FNTA: variants seen among roughly 807,000 people sequenced by gnomAD.
FNTA encodes the protein protein farnesyltransferase/geranylgeranyltransferase type-1 subunit alpha.
FNTA carries 27 observed loss-of-function variants against 55.2 expected under a neutral mutation model. The ratio of observed to expected loss-of-function variants is 0.49; its 90% confidence interval spans 0.36 to 0.67. The LOEUF (loss-of-function observed/expected upper bound fraction) is 0.67. FNTA is among the 30% of genes least tolerant of loss of function. The pLI, the probability that FNTA is intolerant of heterozygous loss-of-function variation, is 0.00. For missense variants in FNTA, 422 were observed against 464.7 expected (o/e 0.91, Z 0.85); for synonymous variants, 176 against 170.7 (o/e 1.03, Z -0.24).
At chr8:43,082,664 T>C (rs1437676957) in intron 6 of FNTA, 1 of 152,398 alleles carries the variant, frequency 6.6e-6, no homozygotes, top group Non-Finnish European at 1.5e-5. Flanking sequence ...TTCTCGTGAT[T>C]TAAATATGAC....
chr8:43,074,663 C>CAA (rs1182915466), intron 5 of FNTA, among the ~76,000 whole-genome samples: 2 of 152,148 alleles, frequency 1.3e-5, no homozygotes, highest in African/African-American at 4.8e-5. Context: ...GGGGAAGTCT[C>CAA]AGGTTTCATA....
At chr8:43,067,678 GAA>G (rs923005780) in intron 3 of FNTA, among the ~76,000 whole-genome samples, 9 of 151,100 alleles carry the variant, frequency 6.0e-5, no homozygotes, top group African/African-American at 2.2e-4. Context: ...ATAATGGAGA[GAA>G]ATACTGTTGT....
At chr8:43,062,787 C>T (rs1451349355) in intron 2 of FNTA, among the ~76,000 whole-genome samples, 2 of 152,156 alleles carry the variant, frequency 1.3e-5, no homozygotes, top group Non-Finnish European at 2.9e-5. Flanking sequence ...CAACTAGTTG[C>T]CCTACAATTT....
At chr8:43,074,369 A>G (rs1220646901) in intron 5 of FNTA, among the ~76,000 whole-genome samples, 1 of 145,326 alleles carries the variant, frequency 6.9e-6, no homozygotes, top group Non-Finnish European at 1.6e-5. Flanking sequence ...CAAAAAATAC[A>G]AAAAAATGAG....
At chr8:43,060,249 T>A (rs989618298) in intron 2 of FNTA, among the ~76,000 whole-genome samples, 1 of 152,208 alleles carries the variant, frequency 6.6e-6, no homozygotes, top group African/African-American at 2.4e-5. Context: ...GATATTAACC[T>A]TACTAGTGAT....
At chr8:43,063,583 T>C (rs975013811) in intron 2 of FNTA, among the ~76,000 whole-genome samples, 1 of 152,126 alleles carries the variant, frequency 6.6e-6, no homozygotes, top group Admixed American at 6.6e-5. Context: ...AAGGATGGAA[T>C]TAGGCTATAT....
intron 2 of FNTA, among the ~76,000 whole-genome samples, chr8:43,062,959 T>A (rs1810569013): frequency 6.6e-6 from 1 of 152,176 alleles, no homozygotes; most frequent in Non-Finnish European, 1.5e-5. Context: ...TCTGTTTTTT[T>A]CTTTTCAGAG....
At chr8:43,079,523 C>A (rs1391457591) in intron 6 of FNTA, 2 of 146,674 alleles carry the variant, frequency 1.4e-5, no homozygotes, top group South Asian at 4.1e-4. Flanking sequence ...GTCTGTTGTT[C>A]AGAAAAATTT....
intron 4 of FNTA, 58 bp downstream of exon 4, chr8:43,069,717 T>C (rs1810744095): frequency 9.8e-7 from 1 of 1,015,950 alleles, no homozygotes; most frequent in Non-Finnish European, 1.5e-6. Context: ...TGACCTCGGC[T>C]CACTGCAGCC....
intron 3 of FNTA, 99 bp downstream of exon 3, chr8:43,064,314 TA>T (rs1810604513): frequency 3.9e-6 from 3 of 762,030 alleles, no homozygotes; most frequent in East Asian, 5.3e-5. Flanking sequence ...AACTGTACTT[TA>T]TTTTTTTTGG....
At position 43,059,115 on chromosome 8, in the gene FNTA, T is replaced by C. The variant is rs779020919; in HGVS notation, c.224T>C (p.Ile75Thr). 152 of 1,613,630 alleles carry C rather than the reference T, an allele frequency of 9.4e-5. No homozygotes were observed. The highest frequency in any genetic ancestry group is 2.9e-4 in the South Asian group (26 of 91,044). The change falls in exon 2 of 9, where the codon ATA (isoleucine) becomes ACA (threonine). Residue 75 changes from isoleucine (I) to threonine (T), a missense_variant. Physicochemically the swap from Ile to Thr is moderately conservative, Grantham distance 89 (BLOSUM62 -1). Around this residue, in one of 2 missense-constraint regions of FNTA, gnomAD observed 160 missense variants for 121.6 expected, o/e 1.32. Transcript: ENST00000302279. Reference sequence around the variant, plus strand: ...AGGGACAGAGCAGAATGGGCTGATATAGATCCGGTGCCGCAGAATGATGGC... The same window carrying C: ...AGGGACAGAGCAGAATGGGCTGATACAGATCCGGTGCCGCAGAATGATGGC... ...LYRDRAEWAD[I>T]DPVPQNDGPN... is the part of the protein sequence containing the mutation.
At chr8:43,083,242 G>A (rs1811060269) in intron 7 of FNTA, 62 bp downstream of exon 7, 1 of 909,628 alleles carries the variant, frequency 1.1e-6, no homozygotes, top group Non-Finnish European at 1.7e-6. Context: ...ATGCATCATG[G>A]AGTGTATTCC....
At chr8:43,057,632 C>T (rs1355816817) in intron 1 of FNTA, among the ~76,000 whole-genome samples, 5 of 152,180 alleles carry the variant, frequency 3.3e-5, no homozygotes, top group Non-Finnish European at 5.9e-5. Flanking sequence ...AGAATCTCTG[C>T]TGTCAACAGC....
chr8:43,074,396 A>G (rs139917695), intron 5 of FNTA, among the ~76,000 whole-genome samples: 9 of 152,296 alleles, frequency 5.9e-5, no homozygotes, highest in African/African-American at 1.9e-4. Context: ...GTAGTGGCGC[A>G]TGCTTGTGTT....
intron 8 of FNTA, 38 bp downstream of exon 8, chr8:43,084,919 C>G (rs1360249015): frequency 6.3e-7 from 1 of 1,582,196 alleles, no homozygotes; most frequent in Non-Finnish European, 8.7e-7. Context: ...TTTTTGGTAT[C>G]TCAGAATTGA....
intron 1 of FNTA, chr8:43,057,381 G>T (rs1203943304): frequency 6.6e-6 from 1 of 152,030 alleles, no homozygotes; most frequent in Non-Finnish European, 1.5e-5. Context: ...ATATTTTTTT[G>T]ATTGGAGATA....
At chr8:43,060,765 C>T in intron 2 of FNTA, among the ~76,000 whole-genome samples, 1 of 151,860 alleles carries the variant, frequency 6.6e-6, no homozygotes, top group East Asian at 1.9e-4. Context: ...ACCTGTCAAC[C>T]GTTTATAGAC....
intron 6 of FNTA, chr8:43,078,787 T>C (rs561767564): frequency 2.0e-5 from 3 of 152,350 alleles, no homozygotes; most frequent in African/African-American, 4.8e-5. Context: ...GGAACACATA[T>C]CAAAAGCTGA....
intron 3 of FNTA, among the ~76,000 whole-genome samples, chr8:43,068,701 T>G (rs1810717525): frequency 6.6e-6 from 1 of 152,202 alleles, no homozygotes; most frequent in Non-Finnish European, 1.5e-5. Context: ...TATCTCATAC[T>G]TGTTACCTTT....
Sources: gnomAD v4.1 joint callset for allele counts (sites outside exome capture counted in the v4.1 genomes callset) on GRCh38, gnomAD v4.1.1 for gene constraint, gnomAD v4.1.1 regional missense constraint, MANE v1.5 for transcripts, NCBI Gene and HGNC (gene_info 2026-07-23, HGNC 2026-07-21) for gene names.